The following PALS2 variants were observed in gnomAD, a reference collection of about 807,000 sequenced individuals.
The protein encoded by PALS2 is protein PALS2.
PALS2 carries 27 observed loss-of-function variants against 61.6 expected under a neutral mutation model. That is an observed-to-expected ratio of 0.44 (90% CI 0.32 to 0.60). The LOEUF is 0.60. PALS2 is among the 20% of genes least tolerant of loss of function. The pLI is 0.05. For missense variants in PALS2, 554 were observed against 639.4 expected (o/e 0.87, Z 1.44); for synonymous variants, 236 against 218.6 (o/e 1.08, Z -0.70).
At chr7:24,630,264 G>A (rs115840693) in intron 2 of PALS2, among the ~76,000 whole-genome samples, 2,448 of 152,168 alleles carry the variant, frequency 0.016, 78 homozygotes, top group African/African-American at 0.057. Flanking sequence ...TTTTAAGTGG[G>A]TGTAAGTTGA....
At chr7:24,640,158 A>G (rs551013814) in intron 2 of PALS2, among the ~76,000 whole-genome samples, 62 of 150,896 alleles carry the variant, frequency 4.1e-4, no homozygotes, top group African/African-American at 8.8e-4. Context: ...CTCTATTTCA[A>G]TTACTTTTGG....
Position 24,662,478 on chromosome 7 carries a change from A to G in PALS2, c.652-1112A>G, listed in dbSNP as rs116289886. ...TATATAAAACAAGTCTGTTTTAAGA[A>G]AGCAGTTGGGCTGGGCGCAGTGGCT... On this transcript the variant is annotated intron_variant, in intron 5 of 11. Transcript: ENST00000222644. Among the ~76,000 whole-genome samples the G allele has an allele frequency of 5.2e-3, 787 of 152,252 alleles. 6 individuals are homozygous for G. Among genetic ancestry groups the G allele is most frequent in the African/African-American group, 0.017 (720 of 41,572 alleles).
At chr7:24,634,881 G>C (rs1785166112) in intron 2 of PALS2, among the ~76,000 whole-genome samples, 2 of 152,080 alleles carry the variant, frequency 1.3e-5, no homozygotes, top group Non-Finnish European at 2.9e-5. Context: ...TGCAACAGTT[G>C]GCCACTGACA....
At chr7:24,635,180 G>A (rs1583913865) in intron 2 of PALS2, among the ~76,000 whole-genome samples, 1 of 152,112 alleles carries the variant, frequency 6.6e-6, no homozygotes, top group Non-Finnish European at 1.5e-5. Context: ...TCTTAACAGT[G>A]ATGTCTTCTA....
At chr7:24,642,350 A>G (rs930904611) in intron 3 of PALS2, among the ~76,000 whole-genome samples, 2 of 152,192 alleles carry the variant, frequency 1.3e-5, no homozygotes, top group African/African-American at 4.8e-5. Flanking sequence ...TGATTTTAGC[A>G]ATGGCCTGTA....
At chr7:24,621,326 A>G (rs1246348563) in intron 1 of PALS2, among the ~76,000 whole-genome samples, 1 of 152,154 alleles carries the variant, frequency 6.6e-6, no homozygotes, top group Non-Finnish European at 1.5e-5. Flanking sequence ...GAGATCAGGG[A>G]TAGAAGACAG....
intron 6 of PALS2, among the ~76,000 whole-genome samples, chr7:24,665,069 G>C (rs1428190303): frequency 6.6e-6 from 1 of 152,060 alleles, no homozygotes; most frequent in Non-Finnish European, 1.5e-5. Flanking sequence ...TTTTAAGTTA[G>C]CTGTTTTACA....
intron 10 of PALS2, 123 bp from the exon 11 acceptor site, chr7:24,680,269 A>G (rs2128032289): frequency 1.1e-6 from 1 of 886,306 alleles, no homozygotes; most frequent in Non-Finnish European, 1.7e-6. Context: ...AACAGGGATA[A>G]GTATTAAGTT....
chr7:24,576,200 C>T (rs1192091349), intron 1 of PALS2, among the ~76,000 whole-genome samples: 2 of 152,308 alleles, frequency 1.3e-5, no homozygotes, highest in African/African-American at 4.8e-5. Context: ...CAGATAAGCA[C>T]AAGAGATCTC....
At chr7:24,651,813 A>T (rs540301644) in intron 5 of PALS2, among the ~76,000 whole-genome samples, 67 of 152,334 alleles carry the variant, frequency 4.4e-4, no homozygotes, top group African/African-American at 1.5e-3. Flanking sequence ...TGTTAAAATG[A>T]GAGTTTAAAA....
intron 2 of PALS2, among the ~76,000 whole-genome samples, chr7:24,626,688 C>G (rs1784757973): frequency 6.6e-6 from 1 of 151,804 alleles, no homozygotes; most frequent in South Asian, 2.1e-4. Context: ...GGCAGATTTA[C>G]CATACAAATG....
In PALS2 at chr7:24,679,017, AGC is replaced by A. The variant is rs1787773875; in HGVS notation, c.1115-113_1115-112del. On this transcript the variant is annotated intron_variant, in intron 9 of 11. Transcript: ENST00000222644. ...TAAGAAGCAGATCAGATCTGGTCAT[AGC>A]CTACAGTTTGCTGCACCCAGTGGAA... 3.7e-6 allele frequency: 3 copies of A among 807,952 alleles called. No individual in the cohort carries two copies. In the South Asian group the frequency reaches 5.0e-5, roughly 14 times the overall value. The allele number at this position is 807,952 out of a possible 1,614,324, so 50.0% of individuals were successfully genotyped here.
intron 3 of PALS2, among the ~76,000 whole-genome samples, chr7:24,643,122 A>T (rs1216652312): frequency 6.6e-6 from 1 of 152,166 alleles, no homozygotes; most frequent in Non-Finnish European, 1.5e-5. Context: ...ACAATTTATG[A>T]CTTAAACGAT....
intron 1 of PALS2, among the ~76,000 whole-genome samples, chr7:24,588,823 C>G (rs919619936): frequency 2.0e-5 from 3 of 152,100 alleles, no homozygotes; most frequent in Admixed American, 6.5e-5. Context: ...CAAAATAATT[C>G]ATCATAATAT....
rs1783196365 is a variant in PALS2, at chr7:24,589,353, C to T, written c.-3+15760C>T. The T allele has an allele frequency of 1.3e-5, 2 of 152,138 alleles. 1 individual carries two copies. Among genetic ancestry groups the T allele is most frequent in the South Asian group, 4.1e-4 (2 of 4,836 alleles). The allele number at this position is 152,138 out of a possible 1,614,324, so 9.4% of individuals were successfully genotyped here. On this transcript the variant is annotated intron_variant, in intron 1 of 11. Coordinates refer to ENST00000222644, the MANE Select transcript of PALS2 (RefSeq NM_001303037.2). The stretch of plus-strand genomic sequence containing the variant: ...ACCATTCCACCCCACCACTGCAACT[C>T]TATATGGTTATTTTTTTGGGTCTTG...
At chr7:24,667,586 A>G (rs756189279) in intron 8 of PALS2, among the ~76,000 whole-genome samples, 3 of 152,004 alleles carry the variant, frequency 2.0e-5, no homozygotes, top group Non-Finnish European at 2.9e-5. Context: ...CAAATTGATA[A>G]TAAGTTTCAG....
intron 9 of PALS2, among the ~76,000 whole-genome samples, chr7:24,669,637 T>C (rs1027259293): frequency 6.6e-6 from 1 of 152,200 alleles, no homozygotes; most frequent in Non-Finnish European, 1.5e-5. Flanking sequence ...CTATCTCTTT[T>C]AATTGAATTT....
At chr7:24,661,954 G>A (rs1274344487) in intron 5 of PALS2, among the ~76,000 whole-genome samples, 1 of 151,908 alleles carries the variant, frequency 6.6e-6, no homozygotes, top group African/African-American at 2.4e-5. Flanking sequence ...AATTTCCTTT[G>A]GTTAAATTTA....
chr7:24,632,552 G>T (rs1785045611), intron 2 of PALS2, among the ~76,000 whole-genome samples: 1 of 151,850 alleles, frequency 6.6e-6, no homozygotes, highest in South Asian at 2.1e-4. Context: ...GGCACGCCCA[G>T]CTTATTTTTG....
Sources: allele counts gnomAD v4.1 joint callset (sites outside exome capture counted in the v4.1 genomes callset), GRCh38; gene constraint gnomAD v4.1.1; transcripts MANE v1.5; gene names NCBI Gene and HGNC (gene_info 2026-07-23, HGNC 2026-07-21).